MICAL2: variants seen among roughly 807,000 people sequenced by gnomAD.
MICAL2 encodes microtubule associated monooxygenase, calponin and LIM domain containing 2.
MICAL2 carries 77 observed loss-of-function variants against 127.3 expected under a neutral mutation model. The observed-to-expected ratio is 0.60, with a 90% CI of 0.50 to 0.73. MICAL2 has a LOEUF of 0.73. Ranked by LOEUF, MICAL2 falls within the 30% of genes least tolerant of loss-of-function variation. The pLI is 0.00. For missense variants in MICAL2, 1,351 were observed against 1,434.4 expected, an observed-to-expected ratio of 0.94 and a Z score of 0.94; for synonymous variants, 570 against 551.1, an observed-to-expected ratio of 1.03 and a Z score of -0.48.
At chr11:12,121,755 G>A (rs1589978280) in intron 1 of MICAL2, 1 of 152,336 alleles carries the variant, frequency 6.6e-6, no homozygotes, top group East Asian at 1.9e-4. Context: ...TGGCAGATGG[G>A]AGGCACCACA....
At chr11:12,358,273 T>C in intron 34 of MICAL2, 1 of 1,609,792 alleles carries the variant, frequency 6.2e-7, no homozygotes, top group Non-Finnish European at 8.5e-7. Flanking sequence ...CTGAGCCCAG[T>C]GGTTTTCTTT....
chr11:12,124,048 G>A (rs1850717287), intron 1 of MICAL2, among the ~76,000 whole-genome samples: 1 of 152,168 alleles, frequency 6.6e-6, no homozygotes, highest in South Asian at 2.1e-4. Flanking sequence ...AACATGTGCT[G>A]TTGCTAAGCT....
chr11:12,323,926 T>C, intron 30 of MICAL2: 2 of 1,569,408 alleles, frequency 1.3e-6, no homozygotes, highest in Non-Finnish European at 1.7e-6. Flanking sequence ...ATTTTGTAAA[T>C]TTCAACCCCA....
chr11:12,235,998 G>T (rs1409642985), intron 15 of MICAL2, among the ~76,000 whole-genome samples, 179 bp from the exon 16 acceptor site: 1 of 152,238 alleles, frequency 6.6e-6, no homozygotes, highest in African/African-American at 2.4e-5. Context: ...CCCTGTGACA[G>T]CATTTGTCAC....
intron 2 of MICAL2, among the ~76,000 whole-genome samples, chr11:12,283,730 AT>A (rs1295728223): frequency 6.6e-6 from 1 of 152,158 alleles, no homozygotes; most frequent in Non-Finnish European, 1.5e-5. Flanking sequence ...TATGTATATT[AT>A]TTTCCACAAT....
chr11:12,179,084 C>T (rs1857151756), intron 3 of MICAL2, among the ~76,000 whole-genome samples: 1 of 152,176 alleles, frequency 6.6e-6, no homozygotes, highest in Non-Finnish European at 1.5e-5. Flanking sequence ...AAGCACGGCT[C>T]AGATTGTGAC....
intron 2 of MICAL2, among the ~76,000 whole-genome samples, chr11:12,160,922 A>G (rs1181776928): frequency 3.3e-5 from 5 of 152,194 alleles, no homozygotes; most frequent in African/African-American, 1.2e-4. Context: ...TTAGTATTAT[A>G]AAACCGTCCC....
intron 2 of MICAL2, among the ~76,000 whole-genome samples, chr11:12,152,172 C>T (rs1853650985): frequency 6.7e-6 from 1 of 150,118 alleles, no homozygotes. Context: ...GTGGGAGGCA[C>T]CTGTAATCCC....
At chr11:12,219,357 C>A (rs1188949346) in intron 8 of MICAL2, among the ~76,000 whole-genome samples, 1 of 151,962 alleles carries the variant, frequency 6.6e-6, no homozygotes, top group African/African-American at 2.4e-5. Context: ...CCAGTCCTCG[C>A]AGCTCAGGGC....
downstream of MICAL2, among the ~76,000 whole-genome samples, chr11:12,268,358 G>T (rs117044644): frequency 1.3e-5 from 2 of 152,248 alleles, no homozygotes; most frequent in Non-Finnish European, 2.9e-5. Flanking sequence ...GCTGAGGTTG[G>T]CAGCAGAGAG....
chr11:12,325,483 T>A (rs1864344462), intron 31 of MICAL2, among the ~76,000 whole-genome samples: 1 of 152,168 alleles, frequency 6.6e-6, no homozygotes, highest in African/African-American at 2.4e-5. Context: ...ACGGACCGGA[T>A]GGCTTAAACA....
chr11:12,281,333 G>A (rs1007244011), intron 2 of MICAL2, among the ~76,000 whole-genome samples: 1 of 152,186 alleles, frequency 6.6e-6, no homozygotes, highest in Non-Finnish European at 1.5e-5. Context: ...AAGACATCAC[G>A]GGGACTGGCT....
chr11:12,192,436 G>T (rs889454554), intron 3 of MICAL2, among the ~76,000 whole-genome samples: 7 of 152,210 alleles, frequency 4.6e-5, no homozygotes, highest in African/African-American at 1.7e-4. Context: ...GGATGGACTG[G>T]ACTCTGAGCT....
chr11:12,352,607 G>T (rs979211191), intron 33 of MICAL2, among the ~76,000 whole-genome samples: 6 of 152,212 alleles, frequency 3.9e-5, no homozygotes, highest in Non-Finnish European at 8.8e-5. Context: ...TTTTAGTTTG[G>T]AGAAAGCCCT....
intron 2 of MICAL2, among the ~76,000 whole-genome samples, chr11:12,139,919 T>C (rs1852186158): frequency 1.3e-5 from 2 of 152,318 alleles, no homozygotes; most frequent in African/African-American, 2.4e-5. Context: ...CTCTTCCCTT[T>C]GGAATCTTGG....
At chr11:12,117,796 A>T (rs1039087545) in intron 1 of MICAL2, among the ~76,000 whole-genome samples, 2 of 152,194 alleles carry the variant, frequency 1.3e-5, no homozygotes, top group African/African-American at 4.8e-5. Context: ...TAAGATCAGG[A>T]TCTCCCTGCT....
At chr11:12,354,425 C>A (rs1308267387) in intron 33 of MICAL2, among the ~76,000 whole-genome samples, 5 of 151,430 alleles carry the variant, frequency 3.3e-5, no homozygotes, top group African/African-American at 1.2e-4. Flanking sequence ...TGAGCCAATA[C>A]CGTGCCACTG....
intron 3 of MICAL2, among the ~76,000 whole-genome samples, chr11:12,187,108 G>C (rs900370571): frequency 1.3e-5 from 2 of 152,162 alleles, no homozygotes; most frequent in African/African-American, 4.8e-5. Flanking sequence ...CTCTCCCCGT[G>C]TGGGGCTCTG....
chr11:12,265,809 A>G (rs371409686), downstream of MICAL2, among the ~76,000 whole-genome samples: 3 of 152,166 alleles, frequency 2.0e-5, no homozygotes, highest in South Asian at 2.1e-4. Context: ...TTTTTAAAGG[A>G]AGTAAATTAA....
Sources: gnomAD v4.1 joint callset for allele counts (sites outside exome capture counted in the v4.1 genomes callset) on GRCh38, gnomAD v4.1.1 for gene constraint, MANE v1.5 for transcripts, NCBI Gene and HGNC (gene_info 2026-07-23, HGNC 2026-07-21) for gene names.